The following BICRAL variants were observed in gnomAD, a reference collection of about 807,000 sequenced individuals.
BICRAL encodes the protein BICRA like chromatin remodeling complex associated protein, also known as BRD4-interacting chromatin-remodeling complex-associated protein-like.
Under a neutral mutation model 91.8 loss-of-function variants are expected in BICRAL, and 8 were observed. The observed-to-expected ratio is 0.09, with a 90% CI of 0.05 to 0.16. The LOEUF is 0.16. BICRAL is among the 10% of genes least tolerant of loss of function. The pLI is 1.00. For synonymous variants in BICRAL, 445 were observed against 491.1 expected, an observed-to-expected ratio of 0.91 and a Z score of 1.24; for missense variants, 1,038 against 1,310.9, an observed-to-expected ratio of 0.79 and a Z score of 3.21.
chr6:42,749,172 T>C (rs1414093269), intron 1 of BICRAL, among the ~76,000 whole-genome samples: 2 of 152,212 alleles, frequency 1.3e-5, no homozygotes, highest in Admixed American at 6.5e-5. Flanking sequence ...TTTAACTTTT[T>C]GAAAATTTCC....
intron 6 of BICRAL, among the ~76,000 whole-genome samples, chr6:42,846,212 T>A (rs1209470235): frequency 6.7e-6 from 1 of 148,946 alleles, no homozygotes; most frequent in African/African-American, 2.5e-5. Context: ...CCATCTCTAC[T>A]AAAAATACAA....
At chr6:42,860,925 A>G (rs1378219719) in intron 11 of BICRAL, among the ~76,000 whole-genome samples, 1 of 151,880 alleles carries the variant, frequency 6.6e-6, no homozygotes, top group African/African-American at 2.4e-5. Context: ...TCGGGAGTTC[A>G]AGACCAGCCT....
chr6:42,820,426 T>C (rs1764105541), intron 2 of BICRAL, among the ~76,000 whole-genome samples: 1 of 152,200 alleles, frequency 6.6e-6, no homozygotes, highest in African/African-American at 2.4e-5. Context: ...TTATGATGCC[T>C]GAGAGACAAG....
chr6:42,819,870 G>A (rs568434587), intron 2 of BICRAL, among the ~76,000 whole-genome samples: 44 of 152,302 alleles, frequency 2.9e-4, no homozygotes, highest in African/African-American at 1.0e-3. Flanking sequence ...AGAGGAGAAG[G>A]CCTGTCTGGC....
At chr6:42,794,793 A>C (rs1763374096) in intron 1 of BICRAL, among the ~76,000 whole-genome samples, 2 of 120,708 alleles carry the variant, frequency 1.7e-5, no homozygotes, top group Non-Finnish European at 3.7e-5. Flanking sequence ...TACTAAAAAT[A>C]CAAAAAAAAA....
At chr6:42,854,533 TTTGAG>T (rs1327888034) in intron 8 of BICRAL, among the ~76,000 whole-genome samples, 1 of 152,030 alleles carries the variant, frequency 6.6e-6, no homozygotes, top group Non-Finnish European at 1.5e-5. Context: ...TTTGTTTTGT[TTTGAG>T]TTGGGGTCTC....
At chr6:42,809,861 A>G (rs1314547092) in intron 1 of BICRAL, among the ~76,000 whole-genome samples, 1 of 151,798 alleles carries the variant, frequency 6.6e-6, no homozygotes, top group Admixed American at 6.6e-5. Flanking sequence ...ATCCTACCTC[A>G]CTGCAACCTC....
intron 1 of BICRAL, among the ~76,000 whole-genome samples, chr6:42,753,554 G>A (rs1305166493): frequency 6.6e-6 from 1 of 152,154 alleles, no homozygotes; most frequent in Admixed American, 6.6e-5. Flanking sequence ...TAAAACACAG[G>A]TGCAAGGAGT....
chr6:42,814,519 A>ATATAT (rs1237976324), intron 2 of BICRAL, among the ~76,000 whole-genome samples: 2 of 80,236 alleles, frequency 2.5e-5, no homozygotes, highest in African/African-American at 1.3e-4. Context: ...ATATATATAT[A>ATATAT]TTTTTTTTTT....
intron 1 of BICRAL, among the ~76,000 whole-genome samples, chr6:42,785,686 T>C (rs1237510680): frequency 6.6e-6 from 1 of 152,174 alleles, no homozygotes; most frequent in Non-Finnish European, 1.5e-5. Flanking sequence ...GAATTTTGAA[T>C]TGTGGACATA....
intron 1 of BICRAL, among the ~76,000 whole-genome samples, chr6:42,805,995 C>T (rs540882173): frequency 4.2e-5 from 5 of 118,410 alleles, no homozygotes; most frequent in Non-Finnish European, 8.5e-5. Context: ...GAGTGAGACT[C>T]CATCTCAAAA....
chr6:42,760,516 T>C (rs1299756485), intron 1 of BICRAL, among the ~76,000 whole-genome samples: 1 of 151,988 alleles, frequency 6.6e-6, no homozygotes, highest in Non-Finnish European at 1.5e-5. Flanking sequence ...GAGTAATATA[T>C]TGTCAGCTGT....
At chr6:42,856,851 G>A (rs1191643525) in intron 9 of BICRAL, among the ~76,000 whole-genome samples, 1 of 152,074 alleles carries the variant, frequency 6.6e-6, no homozygotes, top group Non-Finnish European at 1.5e-5. Context: ...AAGGTTTATA[G>A]GGGTGCCAAC....
rs1357633217 is a variant in BICRAL at position 42,857,149 on chromosome 6, T to C, written c.2167T>C (p.Phe723Leu). Reference protein sequence around the residue: ...AHTVTPDKSHFRSLSDAVQRL... With the variant: ...AHTVTPDKSHLRSLSDAVQRL... ...CACTGTGACACCAGACAAAAGTCAC[T>C]TCCGATCACTAAGTGATGCGGTACA... Residue 723 changes from phenylalanine (F) to leucine (L), a missense_variant, in exon 10 of 13, where the codon TTC becomes CTC. Coordinates refer to ENST00000314073, the MANE Select transcript of BICRAL (RefSeq NM_001393499.1). 6.2e-7 allele frequency: 1 copy of C among 1,613,666 alleles called. No homozygotes were observed. Among genetic ancestry groups the C allele is most frequent in the Non-Finnish European group, 8.5e-7 (1 of 1,179,604 alleles).
chr6:42,857,219 A>T lies in BICRAL; in HGVS notation c.2237A>T (p.Glu746Val). 6.2e-7 allele frequency: 1 copy of T among 1,613,386 alleles called. No homozygotes were observed. The highest frequency in any genetic ancestry group is 1.1e-5 in the South Asian group (1 of 91,030). The change falls in exon 10 of 13, where the codon GAA (glutamate) becomes GTA (valine). Residue 746 changes from glutamate (E) to valine (V), a missense_variant. Physicochemically the swap from Glu to Val is moderately radical, Grantham distance 121. Coordinates refer to ENST00000314073, the MANE Select transcript of BICRAL (RefSeq NM_001393499.1). ...YHVCQGSMPT[E>V]EDLRKVDNEF... ...GTGTGCCAGGGCTCCATGCCCACTG[A>T]AGAAGACTTGAGAAAAGGTAAGCAG...
chr6:42,758,401 C>T (rs1762492149), intron 1 of BICRAL, among the ~76,000 whole-genome samples: 1 of 152,186 alleles, frequency 6.6e-6, no homozygotes, highest in Non-Finnish European at 1.5e-5. Context: ...GTCCCACCAG[C>T]GCCCTACTCC....
intron 1 of BICRAL, among the ~76,000 whole-genome samples, chr6:42,759,921 A>G (rs1259178197): frequency 1.3e-5 from 2 of 152,148 alleles, no homozygotes; most frequent in African/African-American, 4.8e-5. Context: ...CACCTGGGAC[A>G]CAGGAGGTAC....
At chr6:42,750,895 TTTTTTTTTTTTTTA>T (rs1328919656) in intron 1 of BICRAL, among the ~76,000 whole-genome samples, 74 of 76,228 alleles carry the variant, frequency 9.7e-4, no homozygotes, top group East Asian at 4.9e-3. Flanking sequence ...TTTTTTTTTT[TTTTTTTTTTTTTTA>T]ATACTTTAAG....
chr6:42,830,476 G>A (rs1369888961), intron 6 of BICRAL, among the ~76,000 whole-genome samples: 2 of 152,022 alleles, frequency 1.3e-5, no homozygotes, highest in Non-Finnish European at 2.9e-5. Flanking sequence ...TGAGGCAGGA[G>A]AATAGCTTGA....
Sources: gnomAD v4.1 joint callset for allele counts (sites outside exome capture counted in the v4.1 genomes callset) on GRCh38, gnomAD v4.1.1 for gene constraint, MANE v1.5 for transcripts, NCBI Gene and HGNC (gene_info 2026-07-23, HGNC 2026-07-21) for gene names.